The following CDC42BPA variants were observed in gnomAD, a reference collection of about 807,000 sequenced individuals.
CDC42BPA encodes CDC42 binding protein kinase alpha, also known as serine/threonine-protein kinase MRCK alpha.
Under a neutral mutation model 223.5 loss-of-function variants are expected in CDC42BPA, and 80 were observed. The ratio of observed to expected loss-of-function variants is 0.36; its 90% CI spans 0.30 to 0.43. The LOEUF is 0.43. Ranked by LOEUF, CDC42BPA falls within the 20% of genes least tolerant of loss-of-function variation. The pLI is 1.00. For missense variants in CDC42BPA, 1,743 were observed against 2,099.9 expected (o/e 0.83, Z 3.32); for synonymous variants, 694 against 718.6 (o/e 0.97, Z 0.55).
chr1:226,994,494 C>A lies in CDC42BPA; in HGVS notation c.5134-95G>T, dbSNP rs1367087121. ...CCACCGCCCCCTCCAGCCACCCTGA[C>A]CAAATAACCCCATGGGGCGGCCTCA... is the stretch of plus-strand genomic sequence containing the variant. On this transcript the variant is annotated intron_variant, in intron 36 of 36. Transcript: ENST00000366766. The surrounding 1 kb of genome is among the most constrained non-coding windows in gnomAD (Gnocchi z 4.0). 1.0e-5 allele frequency: 14 copies of A among 1,376,940 alleles called. No individual in the cohort carries two copies. The highest frequency in any genetic ancestry group is 1.3e-5 in the Non-Finnish European group (13 of 1,039,266). The allele number at this position is 1,376,940 out of a possible 1,614,324, so 85.3% of individuals were successfully genotyped here.
chr1:227,073,216 T>C (rs959584079), intron 19 of CDC42BPA, among the ~76,000 whole-genome samples: 2 of 152,126 alleles, frequency 1.3e-5, no homozygotes, highest in Non-Finnish European at 2.9e-5. Flanking sequence ...ATTGTTCCTC[T>C]ATGTCACTTA....
chr1:227,010,856 C>T (rs758461796), intron 34 of CDC42BPA: 8 of 1,325,452 alleles, frequency 6.0e-6, no homozygotes, highest in Non-Finnish European at 8.0e-6. Context: ...TGAAAGTTAA[C>T]ACCTGACTCA....
chr1:227,027,370 C>T (rs1274366693), intron 30 of CDC42BPA, among the ~76,000 whole-genome samples: 1 of 152,040 alleles, frequency 6.6e-6, no homozygotes, highest in African/African-American at 2.4e-5. Context: ...TTGACTAGAC[C>T]CATACCCATC....
chr1:227,054,315 G>T (rs565650458), intron 21 of CDC42BPA, among the ~76,000 whole-genome samples: 1 of 152,296 alleles, frequency 6.6e-6, no homozygotes, highest in African/African-American at 2.4e-5. Context: ...CAATAGCACT[G>T]GTTGAAATTT....
At chr1:227,311,541 T>A (rs933114242) in intron 1 of CDC42BPA, among the ~76,000 whole-genome samples, 1 of 152,108 alleles carries the variant, frequency 6.6e-6, no homozygotes, top group Non-Finnish European at 1.5e-5. Flanking sequence ...TTATAGGTCA[T>A]ATGGTTATCA....
chr1:227,267,415 T>C (rs1685186702), intron 1 of CDC42BPA, among the ~76,000 whole-genome samples: 2 of 152,202 alleles, frequency 1.3e-5, no homozygotes, highest in African/African-American at 4.8e-5. Context: ...TTTAGGAATG[T>C]TTGCTGGCCC....
intron 2 of CDC42BPA, among the ~76,000 whole-genome samples, chr1:227,220,856 C>T (rs1444631613): frequency 6.6e-6 from 1 of 152,082 alleles, no homozygotes; most frequent in African/African-American, 2.4e-5. Context: ...AAGACCATTC[C>T]CCATCCAAGA....
chr1:227,208,849 G>A (rs550628054), intron 3 of CDC42BPA, among the ~76,000 whole-genome samples: 31 of 151,720 alleles, frequency 2.0e-4, no homozygotes, highest in South Asian at 8.3e-4. Context: ...GCTCTTTTTC[G>A]GTTCCATATG....
At chr1:227,041,190 G>A (rs906415778) in intron 23 of CDC42BPA, among the ~76,000 whole-genome samples, 1 of 152,128 alleles carries the variant, frequency 6.6e-6, no homozygotes, top group African/African-American at 2.4e-5. Context: ...TACACGTGCA[G>A]GTTTGTTACC....
At chr1:227,067,769 T>C (rs1319416006) in intron 21 of CDC42BPA, among the ~76,000 whole-genome samples, 1 of 152,164 alleles carries the variant, frequency 6.6e-6, no homozygotes, top group Non-Finnish European at 1.5e-5. Context: ...TTATGCTAAC[T>C]ACTCTTCTGA....
intron 1 of CDC42BPA, among the ~76,000 whole-genome samples, chr1:227,300,940 G>A (rs536884357): frequency 8.5e-5 from 13 of 152,300 alleles, no homozygotes; most frequent in Admixed American, 2.0e-4. Context: ...TAGTTGACAC[G>A]TATTCTGATG....
chr1:227,041,968 A>G (rs1671467875), intron 23 of CDC42BPA, among the ~76,000 whole-genome samples: 1 of 152,174 alleles, frequency 6.6e-6, no homozygotes, highest in Admixed American at 6.5e-5. Flanking sequence ...AATCTATTAA[A>G]ATCATAAAAT....
chr1:227,211,846 G>A (rs1249448066), intron 3 of CDC42BPA, among the ~76,000 whole-genome samples: 1 of 152,076 alleles, frequency 6.6e-6, no homozygotes, highest in African/African-American at 2.4e-5. Flanking sequence ...GGGTTCACTA[G>A]ATGGGTATTT....
chr1:227,122,555 T>G (rs908997831), intron 11 of CDC42BPA, among the ~76,000 whole-genome samples: 2 of 152,226 alleles, frequency 1.3e-5, no homozygotes, highest in African/African-American at 4.8e-5. Flanking sequence ...ATGGAGTTGT[T>G]AGAGAATATA....
Position 226,991,657 on chromosome 1 carries a change from T to A in CDC42BPA, c.*2611A>T, listed in dbSNP as rs2997438. On this transcript the variant is annotated 3_prime_UTR_variant, in exon 37 of 37. Coordinates refer to ENST00000366766, the MANE Select transcript of CDC42BPA (RefSeq NM_001394014.1). ...AATCCATGGGGTGAATATGGACAAG[T>A]CGCCCAGTTAGCCTGGCAACCTAGA... is the stretch of plus-strand genomic sequence containing the variant. The A allele has an allele frequency of 6.6e-6, 1 of 151,978 alleles. No individual in the cohort carries two copies. Among genetic ancestry groups the A allele is most frequent in the Non-Finnish European group, 1.5e-5 (1 of 68,062 alleles). 9.4% of individuals were successfully genotyped at this position (151,978 alleles called of 1,614,324 possible). A position where few individuals can be genotyped will look rare whatever the true frequency, so the allele number is the denominator to read the frequency against.
At chr1:226,996,014 C>T (rs1268486162) in intron 35 of CDC42BPA, among the ~76,000 whole-genome samples, 1 of 152,200 alleles carries the variant, frequency 6.6e-6, no homozygotes, top group Non-Finnish European at 1.5e-5. Context: ...TAATGACCAC[C>T]AAAATACACA....
intron 2 of CDC42BPA, among the ~76,000 whole-genome samples, chr1:227,240,231 C>T (rs994649904): frequency 5.3e-5 from 8 of 151,948 alleles, no homozygotes; most frequent in Admixed American, 5.2e-4. Context: ...ATGAAGAAGA[C>T]CTATACATTA....
intron 5 of CDC42BPA, among the ~76,000 whole-genome samples, chr1:227,187,439 G>C (rs1028701019): frequency 7.0e-6 from 1 of 143,230 alleles, no homozygotes; most frequent in African/African-American, 2.6e-5. Context: ...CTGAGCTTGA[G>C]AATATAATAG....
chr1:226,997,305 C>T (rs1047821708), intron 35 of CDC42BPA, among the ~76,000 whole-genome samples: 2 of 151,894 alleles, frequency 1.3e-5, no homozygotes, highest in African/African-American at 2.4e-5. Context: ...TGGTGATCTC[C>T]CCTTTATCAT....
Sources: allele counts gnomAD v4.1 joint callset (sites outside exome capture counted in the v4.1 genomes callset), GRCh38; gene constraint gnomAD v4.1.1; non-coding constraint Gnocchi (gnomAD v3.1); transcripts MANE v1.5; gene names NCBI Gene and HGNC (gene_info 2026-07-23, HGNC 2026-07-21).